The following SLC24A2 variants were observed in gnomAD, a reference collection of about 807,000 sequenced individuals.
SLC24A2 encodes the protein solute carrier family 24 member 2.
Under a neutral mutation model 62.0 loss-of-function variants are expected in SLC24A2, and 36 were observed. That is an observed-to-expected ratio of 0.58 (90% confidence interval 0.44 to 0.77). SLC24A2 has a LOEUF of 0.77. SLC24A2 is among the 30% of genes least tolerant of loss of function. The pLI, the probability that SLC24A2 is intolerant of heterozygous loss-of-function variation, is 0.00. For synonymous variants in SLC24A2, 358 were observed against 294.0 expected, an observed-to-expected ratio of 1.22 and a Z score of -2.23; for missense variants, 846 against 817.9, an observed-to-expected ratio of 1.03 and a Z score of -0.42.
chr9:19,582,239 G>C (rs1432466437), intron 5 of SLC24A2, among the ~76,000 whole-genome samples: 1 of 152,136 alleles, frequency 6.6e-6, no homozygotes, highest in Non-Finnish European at 1.5e-5. Flanking sequence ...GCTTCATGCT[G>C]CATGGAAAAA....
chr9:20,289,008 C>A, the SLC24A2 span, among the ~76,000 whole-genome samples: 2 of 151,828 alleles, frequency 1.3e-5, no homozygotes, highest in Admixed American at 6.6e-5. Flanking sequence ...ATTCCAGCCA[C>A]TAGATTTCAG....
intron 2 of SLC24A2, among the ~76,000 whole-genome samples, chr9:19,690,039 G>A (rs1471809496): frequency 6.6e-6 from 1 of 152,092 alleles, no homozygotes; most frequent in Non-Finnish European, 1.5e-5. Flanking sequence ...CGAATTTCCA[G>A]ACAGACACCA....
chr9:20,134,602 G>T, the SLC24A2 span, among the ~76,000 whole-genome samples: 1 of 152,168 alleles, frequency 6.6e-6, no homozygotes, highest in Non-Finnish European at 1.5e-5. Context: ...AACTGAAGAT[G>T]TAAGAAAATT....
chr9:20,085,854 A>C, the SLC24A2 span, among the ~76,000 whole-genome samples: 7 of 152,148 alleles, frequency 4.6e-5, no homozygotes, highest in African/African-American at 1.7e-4. Flanking sequence ...CACTACATTA[A>C]TTTTTTTTAA....
At chr9:19,544,317 ATGTT>A (rs1834437309) in intron 8 of SLC24A2, among the ~76,000 whole-genome samples, 2 of 122,644 alleles carry the variant, frequency 1.6e-5, no homozygotes, top group East Asian at 4.7e-4. Context: ...TTTTAAGCCT[ATGTT>A]TGTCTTTGCA....
At chr9:19,849,154 G>A in the SLC24A2 span, among the ~76,000 whole-genome samples, 2 of 152,132 alleles carry the variant, frequency 1.3e-5, no homozygotes, top group African/African-American at 2.4e-5. Flanking sequence ...GTGTGCCATT[G>A]CATCTTTACC....
chr9:19,719,977 T>C (rs760950091), intron 2 of SLC24A2, among the ~76,000 whole-genome samples: 6 of 152,258 alleles, frequency 3.9e-5, no homozygotes, highest in Non-Finnish European at 8.8e-5. Context: ...TCCTTCCAAA[T>C]CCCACTGAAA....
the SLC24A2 span, among the ~76,000 whole-genome samples, chr9:20,077,126 C>T: frequency 1.3e-4 from 19 of 151,586 alleles, no homozygotes; most frequent in African/African-American, 4.4e-4. Context: ...AAGTGGTAAT[C>T]AGGGGCAGAG....
At chr9:20,093,393 A>C in the SLC24A2 span, among the ~76,000 whole-genome samples, 3 of 151,888 alleles carry the variant, frequency 2.0e-5, no homozygotes, top group East Asian at 5.8e-4. Context: ...TTTTGGGTAC[A>C]TTTAGTCTCC....
the SLC24A2 span, among the ~76,000 whole-genome samples, chr9:19,895,118 G>A: frequency 6.6e-6 from 1 of 152,140 alleles, no homozygotes; most frequent in South Asian, 2.1e-4. Flanking sequence ...TCCAGCAAGA[G>A]CCACTGGCAC....
At chr9:19,629,218 TC>T (rs948331481) in intron 2 of SLC24A2, among the ~76,000 whole-genome samples, 1 of 152,136 alleles carries the variant, frequency 6.6e-6, no homozygotes, top group African/African-American at 2.4e-5. Flanking sequence ...TCCAGAGCCT[TC>T]CTAAGTGCTG....
the SLC24A2 span, among the ~76,000 whole-genome samples, chr9:20,137,744 A>G: frequency 7.4e-4 from 112 of 152,322 alleles, 1 homozygote; most frequent in Non-Finnish European, 1.3e-3. Flanking sequence ...AACAGTAACA[A>G]TATTTTTAAA....
chr9:19,744,036 A>G (rs759156477), intron 2 of SLC24A2, among the ~76,000 whole-genome samples: 2 of 152,074 alleles, frequency 1.3e-5, no homozygotes, highest in Non-Finnish European at 2.9e-5. Flanking sequence ...GCTGCACAAC[A>G]TTGTTAGAGG....
chr9:19,745,062 C>T (rs957192868), intron 2 of SLC24A2, among the ~76,000 whole-genome samples: 2 of 152,152 alleles, frequency 1.3e-5, no homozygotes, highest in African/African-American at 2.4e-5. Context: ...GGACAGATCT[C>T]TTATGAATGG....
At chr9:20,034,685 G>A in the SLC24A2 span, among the ~76,000 whole-genome samples, 845 of 152,066 alleles carry the variant, frequency 5.6e-3, 3 homozygotes, top group African/African-American at 0.019. Flanking sequence ...AGCCAGGATG[G>A]TCTCGATCTC....
At chr9:20,265,891 T>G in the SLC24A2 span, among the ~76,000 whole-genome samples, 1 of 152,050 alleles carries the variant, frequency 6.6e-6, no homozygotes, top group African/African-American at 2.4e-5. Context: ...CCCCCTTGGG[T>G]GCGGCCATCT....
At chr9:19,901,261 T>A in the SLC24A2 span, among the ~76,000 whole-genome samples, 2 of 152,032 alleles carry the variant, frequency 1.3e-5, no homozygotes, top group Admixed American at 6.5e-5. Flanking sequence ...ACAAAGGGAG[T>A]TTAAGACTTC....
intron 2 of SLC24A2, among the ~76,000 whole-genome samples, chr9:19,699,228 C>T (rs1360690913): frequency 2.0e-5 from 3 of 152,044 alleles, no homozygotes; most frequent in African/African-American, 7.3e-5. Context: ...GGGACAAGAA[C>T]GGCTGGCAAA....
the SLC24A2 span, among the ~76,000 whole-genome samples, chr9:20,130,322 G>A: frequency 1.9e-4 from 29 of 151,564 alleles, no homozygotes; most frequent in Middle Eastern, 3.4e-3. Context: ...ACAAGCTCTC[G>A]GTGTTATGAA....
Sources: allele counts gnomAD v4.1 joint callset (sites outside exome capture counted in the v4.1 genomes callset), GRCh38; gene constraint gnomAD v4.1.1; transcripts MANE v1.5; gene names NCBI Gene and HGNC (gene_info 2026-07-23, HGNC 2026-07-21).